The following SEM1 variants were observed in gnomAD, a reference collection of about 807,000 sequenced individuals.
The protein encoded by SEM1 is SEM1 26S proteasome subunit.
Under a neutral mutation model 12.7 loss-of-function variants are expected in SEM1, and 3 were observed. That is an observed-to-expected ratio of 0.24 (90% CI 0.11 to 0.61). The LOEUF (loss-of-function observed/expected upper bound fraction) is 0.61. Ranked by LOEUF, SEM1 falls within the 20% of genes least tolerant of loss-of-function variation. SEM1 has a pLI of 0.88. For missense variants in SEM1, 59 were observed against 81.3 expected (o/e 0.73, Z 1.06); for synonymous variants, 30 against 27.8 (o/e 1.08, Z -0.25).
intron 2 of SEM1, among the ~76,000 whole-genome samples, chr7:96,600,364 AT>A (rs1475029531): frequency 1.3e-5 from 2 of 152,226 alleles, no homozygotes; most frequent in African/African-American, 4.8e-5. Flanking sequence ...GAAAGCTATA[AT>A]TTTGCTGAAA....
intron 2 of SEM1, among the ~76,000 whole-genome samples, chr7:96,573,349 G>A (rs1806102384): frequency 6.6e-6 from 1 of 152,032 alleles, no homozygotes; most frequent in Non-Finnish European, 1.5e-5. Context: ...TGGTTATTTT[G>A]CCCATTACTT....
chr7:96,522,891 C>CA (rs540895823), intron 2 of SEM1, among the ~76,000 whole-genome samples: 41,333 of 87,532 alleles, frequency 0.47, 9,714 homozygotes, highest in East Asian at 0.77. Context: ...AACTCCATCT[C>CA]AAAAAAAAAA....
chr7:96,536,515 TGAG>T (rs1804788796), intron 2 of SEM1, among the ~76,000 whole-genome samples: 1 of 151,826 alleles, frequency 6.6e-6, no homozygotes, highest in Non-Finnish European at 1.5e-5. Flanking sequence ...AGAGGAGTAG[TGAG>T]GTCTCCAAAT....
chr7:96,674,279 CA>C (rs1403056141), intron 2 of SEM1, among the ~76,000 whole-genome samples: 1 of 152,116 alleles, frequency 6.6e-6, no homozygotes, highest in Non-Finnish European at 1.5e-5. Flanking sequence ...ATAGGTAAAT[CA>C]ACCAGGGCTT....
chr7:96,706,791 G>A (rs1417349298), intron 1 of SEM1, among the ~76,000 whole-genome samples: 1 of 152,074 alleles, frequency 6.6e-6, no homozygotes, highest in Non-Finnish European at 1.5e-5. Context: ...AGTTACCCGA[G>A]AGTGGATAAA....
At chr7:96,530,734 T>C (rs1043372912) in intron 2 of SEM1, among the ~76,000 whole-genome samples, 6 of 152,060 alleles carry the variant, frequency 3.9e-5, no homozygotes, top group Non-Finnish European at 5.9e-5. Context: ...TGAAAAAACA[T>C]TGATCCATTA....
chr7:96,604,761 A>G (rs1318210683), intron 2 of SEM1, among the ~76,000 whole-genome samples: 1 of 152,056 alleles, frequency 6.6e-6, no homozygotes, highest in Admixed American at 6.6e-5. Context: ...TGCACTAAAA[A>G]TACAAAAATT....
intron 2 of SEM1, among the ~76,000 whole-genome samples, chr7:96,563,512 T>C (rs1320065969): frequency 6.6e-6 from 1 of 152,094 alleles, no homozygotes; most frequent in Non-Finnish European, 1.5e-5. Flanking sequence ...CAAATTCAAC[T>C]ATACAGAAGT....
intron 2 of SEM1, among the ~76,000 whole-genome samples, chr7:96,588,381 CACACACACACACACACGAGAGA>C (rs1237524389): frequency 1.5e-5 from 2 of 137,212 alleles, no homozygotes; most frequent in Non-Finnish European, 3.1e-5. Context: ...CACACACACA[CACACACACACACACACGAGAGA>C]GAGAGAGAGA....
intron 2 of SEM1, among the ~76,000 whole-genome samples, chr7:96,575,015 A>G (rs917411827): frequency 2.0e-5 from 3 of 152,102 alleles, no homozygotes; most frequent in African/African-American, 7.2e-5. Flanking sequence ...GCTGGCGAGG[A>G]CTTGTGATCC....
At chr7:96,510,087 C>A (rs767040950) in intron 2 of SEM1, among the ~76,000 whole-genome samples, 2 of 152,104 alleles carry the variant, frequency 1.3e-5, no homozygotes, top group Non-Finnish European at 2.9e-5. Flanking sequence ...ATAAAAATCA[C>A]CAAACTACAT....
intron 2 of SEM1, among the ~76,000 whole-genome samples, chr7:96,660,859 G>A (rs1048412615): frequency 9.2e-5 from 14 of 151,668 alleles, no homozygotes; most frequent in Admixed American, 7.9e-4. Context: ...GACCACAACA[G>A]AATTAAGTTT....
chr7:96,682,671 T>C (rs1359772624), intron 2 of SEM1, among the ~76,000 whole-genome samples: 1 of 151,934 alleles, frequency 6.6e-6, no homozygotes, highest in Non-Finnish European at 1.5e-5. Flanking sequence ...AACTGACAAA[T>C]GGGATCTAAT....
At chr7:96,500,841 C>T (rs1013763685), upstream of SEM1, among the ~76,000 whole-genome samples, 14 of 152,172 alleles carry the variant, frequency 9.2e-5, no homozygotes, top group African/African-American at 3.1e-4. Flanking sequence ...TTCCAGGTCC[C>T]TGCCAGGCCT....
chr7:96,671,920 C>T (rs554110998), downstream of SEM1, among the ~76,000 whole-genome samples: 32 of 152,272 alleles, frequency 2.1e-4, no homozygotes, highest in African/African-American at 6.7e-4. Context: ...TTACATAATG[C>T]CCATATCGGG....
chr7:96,532,149 G>A (rs1470856224), intron 2 of SEM1, among the ~76,000 whole-genome samples: 1 of 151,918 alleles, frequency 6.6e-6, no homozygotes, highest in Non-Finnish European at 1.5e-5. Context: ...GCAGAATACA[G>A]GCTTTCATTT....
downstream of SEM1, among the ~76,000 whole-genome samples, chr7:96,685,974 T>A (rs190434207): frequency 2.6e-5 from 4 of 152,146 alleles, no homozygotes; most frequent in East Asian, 7.7e-4. Flanking sequence ...TCAGAACTCA[T>A]GCACTTTCCA....
chr7:96,579,666 T>C (rs937630080), intron 2 of SEM1, among the ~76,000 whole-genome samples: 9 of 152,226 alleles, frequency 5.9e-5, no homozygotes, highest in Non-Finnish European at 8.8e-5. Context: ...TAATGTGAAC[T>C]CTTTTTATAA....
At chr7:96,631,417 C>T (rs1203369056) in intron 2 of SEM1, among the ~76,000 whole-genome samples, 1 of 152,004 alleles carries the variant, frequency 6.6e-6, no homozygotes, top group East Asian at 1.9e-4. Context: ...GAGCTCAGTG[C>T]CTCATAATTA....
Sources: gnomAD v4.1 joint callset for allele counts (sites outside exome capture counted in the v4.1 genomes callset) on GRCh38, gnomAD v4.1.1 for gene constraint, MANE v1.5 for transcripts, NCBI Gene and HGNC (gene_info 2026-07-23, HGNC 2026-07-21) for gene names.